GNAT2: variants seen among roughly 807,000 people sequenced by gnomAD.
GNAT2 encodes G protein subunit alpha transducin 2, also known as guanine nucleotide-binding protein G(t) subunit alpha-2.
In GNAT2, 32 loss-of-function variants were observed where a neutral mutation model predicts 40.9. That is an observed-to-expected ratio of 0.78 (90% CI 0.59 to 1.05). The LOEUF (loss-of-function observed/expected upper bound fraction) is 1.05, where lower values mean the gene tolerates loss of function less well. Among genes scored for constraint, GNAT2 ranks in the 50% least tolerant of loss-of-function variants. The pLI is 0.00. For missense variants in GNAT2, 355 were observed against 431.5 expected (o/e 0.82, Z 1.57); for synonymous variants, 141 against 157.2 (o/e 0.90, Z 0.77).
chr1:109,613,210 G>T, intron 1 of GNAT2: 1 of 352,874 alleles, frequency 2.8e-6, no homozygotes, highest in South Asian at 2.3e-5. Context: ...GATCTGCTGG[G>T]TTCTGACGGA....
rs754570281 is a variant in GNAT2 at position 109,604,000 on chromosome 1, C to A, written c.825G>T (p.Glu275Asp). 1 of 1,610,994 alleles carries A rather than the reference C, an allele frequency of 6.2e-7. No homozygotes were observed. Among genetic ancestry groups the A allele is most frequent in the Non-Finnish European group, 8.5e-7 (1 of 1,177,256 alleles). ...VLFLNKKDLF[E>D]EKIKKVHLSI... ...TGAGATGGACTTTCTTGATTTTTTC[C>A]TCAAAGAGGTCCTTCTTGTTGAGAA... The change falls in exon 8 of 9, where the codon GAG becomes GAT. Residue 275 changes from glutamate to aspartate, a missense_variant. By Grantham distance (45) the Glu-to-Asp change is conservative (BLOSUM62 2). Coordinates refer to ENST00000679935, the MANE Select transcript of GNAT2 (RefSeq NM_001377295.2).
intron 4 of GNAT2, chr1:109,609,142 A>T: frequency 2.8e-6 from 1 of 352,746 alleles, no homozygotes; most frequent in Non-Finnish European, 5.5e-6. Flanking sequence ...ATTGACCATG[A>T]AATAGACAAG....
rs116819755 is a variant in GNAT2 at position 109,612,999 on chromosome 1, T to C, written c.-53-76A>G. 1,964 of 759,772 alleles carry C rather than the reference T, an allele frequency of 2.6e-3. 24 individuals carry two copies. The African/African-American group carries it at 0.029, about 11-fold the overall frequency. 47.1% of individuals were successfully genotyped at this position (759,772 alleles called of 1,614,324 possible). A position where few individuals can be genotyped will look rare whatever the true frequency, so the allele number is the denominator to read the frequency against. On this transcript the variant is annotated intron_variant, in intron 1 of 8. Coordinates refer to ENST00000679935, the MANE Select transcript of GNAT2 (RefSeq NM_001377295.2). Reference sequence around the variant, plus strand: ...CTTGGCTCCCCTAAAAGCTGGTCTGTACGATGGCAGGTGAGAGAGCAGGCT... The same window carrying C: ...CTTGGCTCCCCTAAAAGCTGGTCTGCACGATGGCAGGTGAGAGAGCAGGCT...
intron 3 of GNAT2, 28 bp from the exon 4 acceptor site, chr1:109,610,209 G>C: frequency 6.2e-7 from 1 of 1,612,606 alleles, no homozygotes; most frequent in East Asian, 2.2e-5. Flanking sequence ...TCTGTCTTTA[G>C]CTGGACCTGA....
At chr1:109,609,906 A>AT (rs1470034745) in intron 4 of GNAT2, 134 bp downstream of exon 4, 13 of 881,676 alleles carry the variant, frequency 1.5e-5, no homozygotes, top group Non-Finnish European at 1.7e-5. Flanking sequence ...TAGCAGTGAG[A>AT]TCCCACCCAG....
At chr1:109,610,602 G>C (rs1649766759) in intron 2 of GNAT2, 95 bp from the exon 3 acceptor site, 1 of 1,031,108 alleles carries the variant, frequency 9.7e-7, no homozygotes, top group African/African-American at 1.6e-5. Flanking sequence ...TGCTTGCTTG[G>C]GGGTCTTGTT....
intron 5 of GNAT2, chr1:109,608,332 A>G: frequency 2.3e-6 from 1 of 443,920 alleles, no homozygotes. Context: ...TTAAGAGAAC[A>G]GGGCTGAGGG....
At chr1:109,607,792 G>A (rs1306648660) in intron 5 of GNAT2, 1 of 152,204 alleles carries the variant, frequency 6.6e-6, no homozygotes, top group Non-Finnish European at 1.5e-5. Context: ...TGTGTAAAAT[G>A]AGGCTAATTA....
chr1:109,617,959 C>A (rs1173728553), intron 1 of GNAT2: 1 of 152,146 alleles, frequency 6.6e-6, no homozygotes, highest in Admixed American at 6.5e-5. Context: ...AAGACCAATT[C>A]AGTGGGCCAT....
chr1:109,611,739 ATC>A (rs1288257598), intron 2 of GNAT2: 1 of 151,822 alleles, frequency 6.6e-6, no homozygotes, highest in African/African-American at 2.4e-5. Context: ...GGCTTAAAAG[ATC>A]TCTCAGTGGC....
chr1:109,605,548 T>G (rs1649566762), intron 7 of GNAT2: 1 of 309,662 alleles, frequency 3.2e-6, no homozygotes. Flanking sequence ...AGCTCAACCC[T>G]TCTATTATGT....
chr1:109,603,792 T>A, intron 8 of GNAT2, 159 bp downstream of exon 8: 1 of 697,006 alleles, frequency 1.4e-6, no homozygotes, highest in East Asian at 2.7e-5. Context: ...CTCTCCTGCA[T>A]CTAATGCCTG....
At chr1:109,603,741 T>A in intron 8 of GNAT2, 197 bp from the exon 9 acceptor site, 1 of 661,288 alleles carries the variant, frequency 1.5e-6, no homozygotes, top group Non-Finnish European at 2.7e-6. Context: ...GAGGTGTCTT[T>A]CCACCTTTGG....
intron 2 of GNAT2, chr1:109,611,178 AT>A (rs55923624): frequency 0.55 from 74,200 of 136,032 alleles, 20,408 homozygotes; most frequent in East Asian, 0.72. Context: ...GCCCGACTAC[AT>A]TTTTTTTTTT....
At chr1:109,617,907 C>T (rs1000850803) in intron 1 of GNAT2, 3 of 152,166 alleles carry the variant, frequency 2.0e-5, no homozygotes, top group African/African-American at 7.2e-5. Flanking sequence ...TCATTTTATT[C>T]ATTCTTGAGA....
In GNAT2 at chr1:109,612,789, C is replaced by G. The variant is rs1043733773; in HGVS notation, c.82G>C (p.Asp28His). 3 of 1,612,264 alleles carry G rather than the reference C, an allele frequency of 1.9e-6. No homozygotes were observed. Among genetic ancestry groups the G allele is most frequent in the African/African-American group, 2.7e-5 (2 of 74,876 alleles). Reference protein sequence around the residue: ...ELEKKLQEDADKEAKTVKLLL... With the variant: ...ELEKKLQEDAHKEAKTVKLLL... ...AGCTTGACAGTCTTGGCTTCCTTAT[C>G]AGCATCCTCCTGCAGCTTCTTTTCT... The change falls in exon 2 of 9, where the codon GAT becomes CAT. Residue 28 changes from aspartate (D) to histidine (H), a missense_variant. Asp to His is a moderately conservative substitution (Grantham distance 81). Coordinates refer to ENST00000679935, the MANE Select transcript of GNAT2 (RefSeq NM_001377295.2).
chr1:109,609,664 C>T (rs1557920148), intron 4 of GNAT2: 1 of 341,024 alleles, frequency 2.9e-6, no homozygotes, highest in Non-Finnish European at 5.7e-6. Flanking sequence ...GCTTACTTCT[C>T]CAGGACTGCA....
rs770934894 is a variant in GNAT2 at position 109,603,311 on chromosome 1, T to C, written c.*43A>G. Reference sequence around the variant, plus strand: ...ATTTTCTGTTTTTAATTACCCAGATTCCAAGCCTGTTTATAGAACTTATAC... The same window carrying C: ...ATTTTCTGTTTTTAATTACCCAGATCCCAAGCCTGTTTATAGAACTTATAC... On this transcript the variant is annotated 3_prime_UTR_variant, in exon 9 of 9. Coordinates refer to ENST00000679935, the MANE Select transcript of GNAT2 (RefSeq NM_001377295.2). 3.6e-6 allele frequency: 4 copies of C among 1,097,792 alleles called. No homozygotes were observed. The South Asian group carries it at 5.0e-5, about 14-fold the overall frequency. 68.0% of individuals were successfully genotyped at this position (1,097,792 alleles called of 1,614,324 possible).
intron 2 of GNAT2, 185 bp downstream of exon 2, chr1:109,612,568 G>T: frequency 1.5e-6 from 1 of 651,866 alleles, no homozygotes; most frequent in Non-Finnish European, 2.8e-6. Flanking sequence ...ATCCCCTTGG[G>T]GTGGCTGTTT....
Sources: allele counts gnomAD v4.1 joint callset, GRCh38; gene constraint gnomAD v4.1.1; transcripts MANE v1.5; gene names NCBI Gene and HGNC (gene_info 2026-07-23, HGNC 2026-07-21).